The following MUCL1 variants were observed in gnomAD, a reference collection of about 807,000 sequenced individuals.
MUCL1 encodes the protein mucin like 1, also known as mucin-like protein 1.
Under a neutral mutation model 9.2 loss-of-function variants are expected in MUCL1, and 11 were observed. The ratio of observed to expected loss-of-function variants is 1.19; its 90% CI spans 0.75 to 1.97. The LOEUF is 1.97. Among genes scored for constraint, MUCL1 ranks in the 30% most tolerant of loss-of-function variants. The probability of loss-of-function intolerance (pLI) is 0.00; values close to 1 mark genes in which losing one functional copy is unlikely to be tolerated. For synonymous variants in MUCL1, 48 were observed against 40.5 expected (o/e 1.19, Z -0.71); for missense variants, 144 against 110.9 (o/e 1.30, Z -1.34).
chr12:54,836,391 T>C (rs1959193125), upstream of MUCL1, among the ~76,000 whole-genome samples: 1 of 152,174 alleles, frequency 6.6e-6, no homozygotes, highest in Non-Finnish European at 1.5e-5. Flanking sequence ...AGAGGTGTTA[T>C]AGTAATCTTG....
rs1021873742 is a variant in MUCL1 at position 54,849,340 on chromosome 12, A to G, written c.44-5776A>G. Among the ~76,000 whole-genome samples, 3 of 152,142 alleles carry G rather than the reference A, an allele frequency of 2.0e-5. No individual in the cohort carries two copies. In the East Asian group the frequency reaches 5.8e-4, roughly 29 times the overall value. The stretch of plus-strand genomic sequence containing the variant: ...AATAAATAACTACATATAAGTTCAT[A>G]TATGCATAAAATTTTCACAAATATA... On this transcript the variant is annotated intron_variant, in intron 1 of 3. Coordinates refer to the MUCL1 transcript ENST00000546809.
intron 1 of MUCL1, among the ~76,000 whole-genome samples, chr12:54,833,392 C>T (rs193294217): frequency 2.0e-5 from 3 of 152,186 alleles, no homozygotes; most frequent in Admixed American, 2.0e-4. Context: ...CATATCTTTA[C>T]AGTTATATAC....
intron 1 of MUCL1, among the ~76,000 whole-genome samples, chr12:54,839,625 T>G (rs1264700017): frequency 2.6e-5 from 4 of 152,130 alleles, no homozygotes; most frequent in Non-Finnish European, 4.4e-5. Context: ...TGACCAGTGT[T>G]TCAGCTATTT....
At chr12:54,856,315 G>A (rs964046811) in intron 2 of MUCL1, among the ~76,000 whole-genome samples, 4 of 152,098 alleles carry the variant, frequency 2.6e-5, no homozygotes, top group Non-Finnish European at 5.9e-5. Flanking sequence ...CGTCTTCTTA[G>A]TCTGCCTCCT....
chr12:54,833,340 G>T (rs542604166), intron 1 of MUCL1, among the ~76,000 whole-genome samples: 1 of 151,802 alleles, frequency 6.6e-6, no homozygotes. Context: ...CTTTTATTTA[G>T]TTTCAATAAT....
chr12:54,858,095 G>T, intron 3 of MUCL1, 98 bp from the exon 4 acceptor site: 1 of 1,412,122 alleles, frequency 7.1e-7, no homozygotes. Context: ...GAGTTTAGTT[G>T]ACATTTGACA....
In MUCL1 at chr12:54,855,213, G is replaced by A. The variant is rs2135946625; in HGVS notation, c.100+56G>A. The A allele has an allele frequency of 4.6e-6, 7 of 1,534,678 alleles. No individual in the cohort carries two copies. The South Asian group carries it at 6.7e-5, about 15-fold the overall frequency. ...CAGCAATAACCATTTTTCACTTCCA[G>A]CCTCATGTCAAACAGCCAGTTTCCA... On this transcript the variant is annotated intron_variant, in intron 2 of 3. Coordinates refer to ENST00000308796, the MANE Select transcript of MUCL1 (RefSeq NM_058173.3).
chr12:54,847,007 G>A (rs755606237), intron 1 of MUCL1, among the ~76,000 whole-genome samples: 1 of 152,128 alleles, frequency 6.6e-6, no homozygotes, highest in Non-Finnish European at 1.5e-5. Flanking sequence ...CACAGCCTGA[G>A]GTTCTGCCTT....
At chr12:54,855,373 T>C (rs1257200151) in intron 2 of MUCL1, 5 of 558,682 alleles carry the variant, frequency 8.9e-6, no homozygotes, top group Non-Finnish European at 1.3e-5. Flanking sequence ...ATCTAGGCCA[T>C]AGACTTATAC....
intron 1 of MUCL1, among the ~76,000 whole-genome samples, chr12:54,840,625 GGGA>G (rs1565775174): frequency 6.6e-6 from 1 of 152,222 alleles, no homozygotes; most frequent in Non-Finnish European, 1.5e-5. Context: ...GCAGGTGGAG[GGGA>G]AAAGCCAGGT....
intron 1 of MUCL1, among the ~76,000 whole-genome samples, chr12:54,842,381 T>C (rs1902091): frequency 1 from 152,244 of 152,248 alleles, 76,120 homozygotes; most frequent in Non-Finnish European, 1. Context: ...AATTTATTCA[T>C]TTTTAATTGA....
At chr12:54,831,738 A>G (rs1959185697) in intron 1 of MUCL1, among the ~76,000 whole-genome samples, 1 of 152,092 alleles carries the variant, frequency 6.6e-6, no homozygotes, top group Non-Finnish European at 1.5e-5. Flanking sequence ...AAAGAGACTA[A>G]ATATATTTGA....
intron 1 of MUCL1, among the ~76,000 whole-genome samples, chr12:54,831,266 G>A (rs138045456): frequency 7.9e-5 from 12 of 152,230 alleles, no homozygotes. Flanking sequence ...TATGCAAATT[G>A]ACTTAGAGAT....
Position 54,858,081 on chromosome 12 carries a change from C to A in MUCL1, c.224-112C>A. The A allele has an allele frequency of 6.3e-6, 8 of 1,271,590 alleles. No individual in the cohort carries two copies. In the Admixed American group the frequency reaches 7.0e-5, roughly 11 times the overall value. The allele number at this position is 1,271,590 out of a possible 1,614,324, so 78.8% of individuals were successfully genotyped here. ...AACAATCCCATGTTCCTTTCGAATC[C>A]CCTGAGTTTAGTTGACATTTGACAC... On this transcript the variant is annotated intron_variant, in intron 3 of 3. Coordinates refer to ENST00000308796, the MANE Select transcript of MUCL1 (RefSeq NM_058173.3).
intron 1 of MUCL1, among the ~76,000 whole-genome samples, chr12:54,833,737 C>T (rs772216979): frequency 4.7e-5 from 7 of 150,198 alleles, no homozygotes; most frequent in Middle Eastern, 3.4e-3. Flanking sequence ...AACCAAACAC[C>T]GCATGTTCTC....
intron 1 of MUCL1, among the ~76,000 whole-genome samples, 161 bp downstream of exon 1, chr12:54,854,801 C>T (rs1440046978): frequency 6.6e-6 from 1 of 152,124 alleles, no homozygotes; most frequent in African/African-American, 2.4e-5. Flanking sequence ...GATGGTTATC[C>T]TTAGGCTCTT....
rs369648332 is a variant in MUCL1, at chr12:54,856,751, C to T, written c.101-19C>T. ...CAGAAGGAGTCAGTCTCACCTAGAGCTTTTCCTTCTAATTTCAGCTGGTCC... is the reference window on the plus strand; with the variant it reads ...CAGAAGGAGTCAGTCTCACCTAGAGTTTTTCCTTCTAATTTCAGCTGGTCC... On this transcript the variant is annotated intron_variant, in intron 2 of 3. Coordinates refer to ENST00000308796, the MANE Select transcript of MUCL1 (RefSeq NM_058173.3). 1.9e-6 allele frequency: 3 copies of T among 1,595,926 alleles called. No homozygotes were observed. In the Admixed American group the frequency reaches 5.3e-5, roughly 28 times the overall value.
chr12:54,838,403 G>T (rs1959196909), upstream of MUCL1, among the ~76,000 whole-genome samples: 1 of 152,130 alleles, frequency 6.6e-6, no homozygotes, highest in Non-Finnish European at 1.5e-5. Context: ...ATGACTATAT[G>T]TCTTGGTAAT....
chr12:54,856,432 G>C (rs757228853), intron 2 of MUCL1, among the ~76,000 whole-genome samples: 17 of 152,182 alleles, frequency 1.1e-4, no homozygotes, highest in Non-Finnish European at 2.4e-4. Flanking sequence ...CAGGCTACTA[G>C]AGATTTCCTT....
Sources: allele counts gnomAD v4.1 joint callset (sites outside exome capture counted in the v4.1 genomes callset), GRCh38; gene constraint gnomAD v4.1.1; transcripts MANE v1.5; gene names NCBI Gene and HGNC (gene_info 2026-07-23, HGNC 2026-07-21).